Variants in AOAH observed in about 807,000 individuals in gnomAD.
AOAH encodes acyloxyacyl hydrolase, also known as acyloxyacyl hydrolase (neutrophil).
AOAH carries 64 observed loss-of-function variants against 92.2 expected under a neutral mutation model. That is an observed-to-expected ratio of 0.69 (90% CI 0.57 to 0.86). AOAH has a LOEUF of 0.86. AOAH is among the 40% of genes least tolerant of loss of function. The pLI is 0.00. For synonymous variants in AOAH, 263 were observed against 254.5 expected, an observed-to-expected ratio of 1.03 and a Z score of -0.32; for missense variants, 656 against 694.6, an observed-to-expected ratio of 0.94 and a Z score of 0.62.
chr7:36,515,561 AAT>A (rs1169730819), intron 20 of AOAH, among the ~76,000 whole-genome samples: 1 of 85,656 alleles, frequency 1.2e-5, no homozygotes, highest in African/African-American at 4.9e-5. Context: ...ACACACACAT[AAT>A]CACACCCCCC....
chr7:36,670,833 C>G (rs1451087202), intron 3 of AOAH, among the ~76,000 whole-genome samples: 1 of 142,366 alleles, frequency 7.0e-6, no homozygotes, highest in Non-Finnish European at 1.5e-5. Flanking sequence ...AGTTCACATG[C>G]TGTACAGTTT....
At chr7:36,618,082 G>C (rs904129298) in intron 10 of AOAH, among the ~76,000 whole-genome samples, 21 of 152,114 alleles carry the variant, frequency 1.4e-4, no homozygotes, top group African/African-American at 3.9e-4. Context: ...AAATTGTTTT[G>C]CTTTTTTAAG....
At chr7:36,712,698 T>A (rs7777006) in intron 1 of AOAH, among the ~76,000 whole-genome samples, 91,755 of 151,952 alleles carry the variant, frequency 0.6, 28,029 homozygotes, top group East Asian at 0.83. Flanking sequence ...AAGAAAAGAA[T>A]TTTCAGCCCA....
intron 11 of AOAH, among the ~76,000 whole-genome samples, chr7:36,610,101 AG>A (rs1156863358): frequency 2.9e-5 from 4 of 139,864 alleles, no homozygotes; most frequent in African/African-American, 1.1e-4. Flanking sequence ...AAAAATTGGA[AG>A]GTTTTTTTCT....
intron 12 of AOAH, among the ~76,000 whole-genome samples, chr7:36,579,553 A>G (rs1361659142): frequency 1.3e-5 from 2 of 151,912 alleles, no homozygotes; most frequent in Non-Finnish European, 2.9e-5. Flanking sequence ...ATTAACTCAC[A>G]CTCTCACAAG....
rs3832509 is a variant in AOAH, at chr7:36,632,114, GA to G, written c.451-9del. 0.096 allele frequency: 120,947 copies of G among 1,264,024 alleles called. 3,050 individuals are homozygous for G. The highest frequency in any genetic ancestry group is 0.18 in the Admixed American group (8,215 of 46,436). The allele number at this position is 1,264,024 out of a possible 1,614,324, so 78.3% of individuals were successfully genotyped here. Reference sequence around the variant, plus strand: ...ACCACTTCTAGAATATTTCTGGGGAGAAAAAAAAAAACAAAAAGAGAGTTGT... The same window carrying G: ...ACCACTTCTAGAATATTTCTGGGGAGAAAAAAAAAACAAAAAGAGAGTTGT... On this transcript the variant is annotated splice_polypyrimidine_tract_variant and intron_variant, in intron 5 of 20. Coordinates refer to ENST00000617537, the MANE Select transcript of AOAH (RefSeq NM_001637.4).
At chr7:36,600,472 C>T (rs1202141659) in intron 11 of AOAH, among the ~76,000 whole-genome samples, 4 of 152,166 alleles carry the variant, frequency 2.6e-5, no homozygotes, top group Non-Finnish European at 5.9e-5. Flanking sequence ...GCGCAGGGCC[C>T]AGGACTGCTC....
chr7:36,625,401 ATG>A (rs1210758525), intron 6 of AOAH, among the ~76,000 whole-genome samples: 5 of 152,100 alleles, frequency 3.3e-5, no homozygotes, highest in South Asian at 2.1e-4. Flanking sequence ...AATCTGTAAA[ATG>A]TGATTCCTGC....
At chr7:36,618,882 C>T (rs991174432) in intron 9 of AOAH, among the ~76,000 whole-genome samples, 4 of 152,132 alleles carry the variant, frequency 2.6e-5, no homozygotes, top group African/African-American at 9.7e-5. Flanking sequence ...AAATATCCTC[C>T]AGTTTGCAAG....
In AOAH at chr7:36,601,057, T is replaced by C. The variant is rs1051028411; in HGVS notation, c.847-6627A>G. 2.0e-5 allele frequency among the ~76,000 whole-genome samples: 3 copies of C among 152,024 alleles called. No homozygotes were observed. The East Asian group carries it at 5.8e-4, about 30-fold the overall frequency. ...ACCCAGGGGAAAGGCCCCCGGGAGA[T>C]GGCGCACACCACTGCTCTGGAGGTC... On this transcript the variant is annotated intron_variant, in intron 11 of 20. Coordinates refer to ENST00000617537, the MANE Select transcript of AOAH (RefSeq NM_001637.4).
chr7:36,670,621 C>T (rs1302530242), intron 3 of AOAH, among the ~76,000 whole-genome samples: 5 of 152,036 alleles, frequency 3.3e-5, no homozygotes, highest in African/African-American at 4.8e-5. Context: ...ACTACAGGCG[C>T]GCGCCACCAC....
chr7:36,558,402 G>T (rs932584748), intron 13 of AOAH, among the ~76,000 whole-genome samples: 7 of 152,212 alleles, frequency 4.6e-5, no homozygotes, highest in Non-Finnish European at 8.8e-5. Context: ...CCTACTGGGG[G>T]GTGCCTCCCA....
At chr7:36,535,986 C>T (rs1342448263) in intron 16 of AOAH, among the ~76,000 whole-genome samples, 1 of 152,190 alleles carries the variant, frequency 6.6e-6, no homozygotes, top group African/African-American at 2.4e-5. Context: ...CTAGTAGAGG[C>T]TGTGGGGTGC....
At chr7:36,532,038 A>G (rs775091535) in intron 18 of AOAH, 109 bp downstream of exon 18, 227 of 1,323,364 alleles carry the variant, frequency 1.7e-4, no homozygotes, top group Non-Finnish European at 2.3e-4. Context: ...GTTATTCACC[A>G]GCTTGGAGAC....
At chr7:36,517,383 C>T (rs977062262) in intron 20 of AOAH, among the ~76,000 whole-genome samples, 5 of 151,592 alleles carry the variant, frequency 3.3e-5, no homozygotes, top group Non-Finnish European at 7.4e-5. Context: ...CTCCGCCTCC[C>T]AGGTTCAAGC....
intron 13 of AOAH, among the ~76,000 whole-genome samples, chr7:36,562,839 A>G (rs1328471152): frequency 6.6e-6 from 1 of 152,010 alleles, no homozygotes; most frequent in Non-Finnish European, 1.5e-5. Flanking sequence ...ACCCCAAGTG[A>G]TGGGAGAACA....
At chr7:36,581,072 G>C (rs4723546) in intron 12 of AOAH, among the ~76,000 whole-genome samples, 47,184 of 152,028 alleles carry the variant, frequency 0.31, 8,620 homozygotes, top group Non-Finnish European at 0.41. Flanking sequence ...ACCACCTGTG[G>C]AGAGTTGGAA....
At chr7:36,712,701 T>A (rs1322856949) in intron 1 of AOAH, among the ~76,000 whole-genome samples, 1 of 152,136 alleles carries the variant, frequency 6.6e-6, no homozygotes, top group Non-Finnish European at 1.5e-5. Context: ...AAAAGAATTT[T>A]CAGCCCAGAA....
intron 1 of AOAH, among the ~76,000 whole-genome samples, chr7:36,688,782 T>TTTAAG (rs149165403): frequency 0.018 from 2,766 of 152,036 alleles, 97 homozygotes; most frequent in African/African-American, 0.064. Context: ...GGCAAGAGAC[T>TTTAAG]TTGAGTATAT....
Sources: allele counts gnomAD v4.1 joint callset (sites outside exome capture counted in the v4.1 genomes callset), GRCh38; gene constraint gnomAD v4.1.1; transcripts MANE v1.5; gene names NCBI Gene and HGNC (gene_info 2026-07-23, HGNC 2026-07-21).